Variants in FKTN observed in about 807,000 individuals in gnomAD.
The protein encoded by FKTN is ribitol-5-phosphate transferase FKTN.
Under a neutral mutation model 58.6 loss-of-function variants are expected in FKTN, and 47 were observed. That is an observed-to-expected ratio of 0.80 (90% CI 0.63 to 1.02). The LOEUF is 1.02. Ranked by LOEUF, FKTN falls within the 50% of genes least tolerant of loss-of-function variation. The pLI, the probability that FKTN is intolerant of heterozygous loss-of-function variation, is 0.00. For missense variants in FKTN, 516 were observed against 537.3 expected, an observed-to-expected ratio of 0.96 and a Z score of 0.39; for synonymous variants, 178 against 191.9, an observed-to-expected ratio of 0.93 and a Z score of 0.60.
intron 3 of FKTN, among the ~76,000 whole-genome samples, chr9:105,588,830 C>A (rs983279557): frequency 3.3e-5 from 5 of 152,226 alleles, no homozygotes; most frequent in African/African-American, 1.2e-4. Flanking sequence ...CTTGGGGAGG[C>A]AGACCTTTAT....
intron 3 of FKTN, among the ~76,000 whole-genome samples, chr9:105,586,387 T>C (rs1843911480): frequency 6.6e-6 from 1 of 152,178 alleles, no homozygotes. Flanking sequence ...AGTAGTTGGC[T>C]TGCAGCTCAC....
intron 1 of FKTN, among the ~76,000 whole-genome samples, chr9:105,566,472 C>T (rs569541965): frequency 6.6e-6 from 1 of 152,118 alleles, no homozygotes; most frequent in African/African-American, 2.4e-5. Context: ...GGGGATATCA[C>T]CACCGATCCC....
intron 4 of FKTN, among the ~76,000 whole-genome samples, chr9:105,597,668 C>T (rs1318104606): frequency 1.3e-5 from 2 of 152,226 alleles, no homozygotes; most frequent in East Asian, 3.9e-4. Context: ...ACACCTAATA[C>T]TTGGACCTGA....
intron 1 of FKTN, among the ~76,000 whole-genome samples, chr9:105,562,516 T>C (rs1838491791): frequency 1.3e-5 from 2 of 152,158 alleles, no homozygotes; most frequent in Admixed American, 6.5e-5. Flanking sequence ...CCAGGGAAAA[T>C]ATAAATCCTG....
chr9:105,634,143 T>C (rs1159257121), intron 10 of FKTN, among the ~76,000 whole-genome samples: 1 of 152,092 alleles, frequency 6.6e-6, no homozygotes, highest in Non-Finnish European at 1.5e-5. Context: ...GTTTTGTTTT[T>C]TTTTTTGAGA....
chr9:105,637,921 G>A lies in FKTN; in HGVS notation c.*2657G>A, dbSNP rs1834154651. 2.0e-6 allele frequency: 2 copies of A among 985,204 alleles called. No homozygotes were observed. The highest frequency in any genetic ancestry group is 2.4e-6 in the Non-Finnish European group (2 of 829,908). The allele number at this position is 985,204 out of a possible 1,614,324, so 61.0% of individuals were successfully genotyped here. On this transcript the variant is annotated 3_prime_UTR_variant, in exon 11 of 11. Transcript: ENST00000357998. The stretch of plus-strand genomic sequence containing the variant: ...ATCCCTAAGAGTAGCTGCTTGGTGG[G>A]ACAGCTGATTTCTTTGATTCCCTAG...
In FKTN at chr9:105,567,373, T is replaced by A. The variant is rs188361045; in HGVS notation, c.-180-6282T>A. 9.1e-3 allele frequency among the ~76,000 whole-genome samples: 1,379 copies of A among 152,304 alleles called. 22 individuals are homozygous for A. Among genetic ancestry groups the A allele is most frequent in the African/African-American group, 0.032 (1,321 of 41,572 alleles). ...AAGTCAAATTGTCCCTGTTTGCAGA[T>A]GACATGATTGTATATCTAGAAAACC... On this transcript the variant is annotated intron_variant, in intron 1 of 10. Transcript: ENST00000357998.
At chr9:105,574,184 T>C (rs1388327022) in intron 2 of FKTN, 1 of 152,142 alleles carries the variant, frequency 6.6e-6, no homozygotes, top group Admixed American at 6.5e-5. Flanking sequence ...TGTTGGTTTC[T>C]TCTTATTTTA....
chr9:105,569,388 T>C (rs957948798), intron 1 of FKTN, among the ~76,000 whole-genome samples: 5 of 152,320 alleles, frequency 3.3e-5, no homozygotes, highest in South Asian at 2.1e-4. Flanking sequence ...GTACCTTTTT[T>C]CATCACAGTT....
At chr9:105,630,589 T>C (rs1409529159) in intron 10 of FKTN, among the ~76,000 whole-genome samples, 1 of 152,116 alleles carries the variant, frequency 6.6e-6, no homozygotes. Context: ...ATGAGAGTGA[T>C]AGCAAAAGTG....
intron 1 of FKTN, among the ~76,000 whole-genome samples, chr9:105,562,217 T>C (rs1258981167): frequency 6.6e-6 from 1 of 152,228 alleles, no homozygotes; most frequent in African/African-American, 2.4e-5. Context: ...ATGCTGGCTG[T>C]GCAAAGGAGT....
At chr9:105,570,174 T>C (rs923950010) in intron 1 of FKTN, among the ~76,000 whole-genome samples, 31 of 152,176 alleles carry the variant, frequency 2.0e-4, no homozygotes, top group Non-Finnish European at 2.9e-5. Flanking sequence ...TCTGTTTTAT[T>C]GTAAAAGTTC....
chr9:105,581,806 A>C (rs1024096394), intron 3 of FKTN, among the ~76,000 whole-genome samples: 1 of 152,184 alleles, frequency 6.6e-6, no homozygotes, highest in Non-Finnish European at 1.5e-5. Context: ...CTGCTGGGCT[A>C]GCAATCAGCG....
At chr9:105,620,581 C>T (rs190394229) in intron 10 of FKTN, among the ~76,000 whole-genome samples, 1 of 152,062 alleles carries the variant, frequency 6.6e-6, no homozygotes, top group African/African-American at 2.4e-5. Context: ...TTTATTTTAC[C>T]AGCTATATTA....
intron 3 of FKTN, among the ~76,000 whole-genome samples, chr9:105,584,891 G>T (rs116174994): frequency 0.012 from 1,801 of 152,064 alleles, 48 homozygotes; most frequent in African/African-American, 0.042. Context: ...CCTTTAAAAT[G>T]GAATTTTTAA....
intron 7 of FKTN, among the ~76,000 whole-genome samples, chr9:105,613,376 A>T (rs1163448880): frequency 6.6e-6 from 1 of 152,230 alleles, no homozygotes; most frequent in Non-Finnish European, 1.5e-5. Flanking sequence ...TGTAATTTGT[A>T]TATTCTGTAG....
At chr9:105,560,913 C>A (rs1028104315) in intron 1 of FKTN, among the ~76,000 whole-genome samples, 1 of 151,990 alleles carries the variant, frequency 6.6e-6, no homozygotes, top group Non-Finnish European at 1.5e-5. Flanking sequence ...CTGATGAAAC[C>A]CTGTCTCTAC....
At chr9:105,613,113 T>G (rs143316301) in intron 7 of FKTN, among the ~76,000 whole-genome samples, 2 of 152,246 alleles carry the variant, frequency 1.3e-5, no homozygotes, top group African/African-American at 4.8e-5. Context: ...TCATATTTGC[T>G]GTTTAGTCCT....
intron 6 of FKTN, among the ~76,000 whole-genome samples, chr9:105,605,511 C>T (rs1828731878): frequency 6.6e-6 from 1 of 151,790 alleles, no homozygotes; most frequent in South Asian, 2.1e-4. Context: ...AACAATATAG[C>T]CAAAAGAAAA....
Sources: gnomAD v4.1 joint callset for allele counts (sites outside exome capture counted in the v4.1 genomes callset) on GRCh38, gnomAD v4.1.1 for gene constraint, MANE v1.5 for transcripts, NCBI Gene and HGNC (gene_info 2026-07-23, HGNC 2026-07-21) for gene names.